RABGEF1: variants seen among roughly 807,000 people sequenced by gnomAD.
RABGEF1 encodes rab5 GDP/GTP exchange factor.
RABGEF1 carries 26 observed loss-of-function variants against 57.3 expected under a neutral mutation model. The ratio of observed to expected loss-of-function variants is 0.45; its 90% CI spans 0.33 to 0.63. The LOEUF is 0.63. Among genes scored for constraint, RABGEF1 ranks in the 20% least tolerant of loss-of-function variants. The probability of loss-of-function intolerance (pLI) is 0.02; values close to 1 mark genes in which losing one functional copy is unlikely to be tolerated. For synonymous variants in RABGEF1, 185 were observed against 210.7 expected (o/e 0.88, Z 1.06); for missense variants, 464 against 607.6 (o/e 0.76, Z 2.48).
At chr7:66,747,014 G>A (rs1338276204) in intron 1 of RABGEF1, among the ~76,000 whole-genome samples, 1 of 151,764 alleles carries the variant, frequency 6.6e-6, no homozygotes, top group Non-Finnish European at 1.5e-5. Context: ...GGCTGGTCTC[G>A]AATTTCTGAC....
At chr7:66,800,683 A>G (rs1787094370) in intron 7 of RABGEF1, among the ~76,000 whole-genome samples, 1 of 152,222 alleles carries the variant, frequency 6.6e-6, no homozygotes, top group South Asian at 2.1e-4. Flanking sequence ...GACTCTTACT[A>G]GAAAGTTCAA....
At chr7:66,784,649 G>T (rs1810724900) in intron 4 of RABGEF1, among the ~76,000 whole-genome samples, 1 of 152,216 alleles carries the variant, frequency 6.6e-6, no homozygotes, top group African/African-American at 2.4e-5. Context: ...CTATATTCTA[G>T]CTGGGGTCAG....
chr7:66,758,866 C>T (rs1344227774), intron 1 of RABGEF1, among the ~76,000 whole-genome samples: 1 of 152,188 alleles, frequency 6.6e-6, no homozygotes, highest in Non-Finnish European at 1.5e-5. Context: ...TATTAAAAAA[C>T]GTTCATGTGT....
At chr7:66,683,000 TGTGTC>T (rs1456790382) in intron 1 of RABGEF1, among the ~76,000 whole-genome samples, 19 of 152,196 alleles carry the variant, frequency 1.2e-4, no homozygotes, top group African/African-American at 4.6e-4. Flanking sequence ...GGTTGGGAAA[TGTGTC>T]GTGGGCGTCC....
At position 66,768,967 on chromosome 7, in the gene RABGEF1, A is replaced by T. The variant is rs1806412914; in HGVS notation, c.-17-2916A>T. 5 of 152,262 alleles carry T rather than the reference A, an allele frequency of 3.3e-5. No homozygotes were observed. The South Asian group carries it at 1.0e-3, about 32-fold the overall frequency. The allele number at this position is 152,262 out of a possible 1,614,324, so 9.4% of individuals were successfully genotyped here. Reference sequence around the variant, plus strand: ...TGGCTCCTGCACTCTCATTTCAGCCATAGCTGCAGACAAAGCACACGATTG... The same window carrying T: ...TGGCTCCTGCACTCTCATTTCAGCCTTAGCTGCAGACAAAGCACACGATTG... On this transcript the variant is annotated intron_variant, in intron 1 of 8. Transcript: ENST00000284957.
chr7:66,793,282 CAG>C (rs982378886), intron 4 of RABGEF1, among the ~76,000 whole-genome samples: 3 of 152,174 alleles, frequency 2.0e-5, no homozygotes, highest in African/African-American at 4.8e-5. Context: ...AGTCCAAACA[CAG>C]AATTCATTTG....
At chr7:66,755,028 C>T (rs572390187) in intron 1 of RABGEF1, among the ~76,000 whole-genome samples, 5 of 152,158 alleles carry the variant, frequency 3.3e-5, no homozygotes, top group African/African-American at 2.4e-5. Flanking sequence ...GGCACGGTGG[C>T]TCACACCTGT....
intron 1 of RABGEF1, among the ~76,000 whole-genome samples, chr7:66,766,548 G>T (rs1188091652): frequency 6.6e-6 from 1 of 151,870 alleles, no homozygotes; most frequent in East Asian, 1.9e-4. Context: ...TCTAAATCCT[G>T]ACCTTGGAGG....
chr7:66,775,404 G>A lies in RABGEF1; in HGVS notation c.346+11G>A, dbSNP rs1209346596. ...TCGGATCAAAGAAGGGTAATGTTCTGATACTCTTTTTTTTCTTCTCTGCCT... is the reference window on the plus strand; with the variant it reads ...TCGGATCAAAGAAGGGTAATGTTCTAATACTCTTTTTTTTCTTCTCTGCCT... On this transcript the variant is annotated intron_variant, in intron 3 of 8. Coordinates refer to ENST00000284957, the MANE Select transcript of RABGEF1 (RefSeq NM_014504.3). 2 of 1,611,400 alleles carry A rather than the reference G, an allele frequency of 1.2e-6. No individual in the cohort carries two copies. The highest frequency in any genetic ancestry group is 1.7e-6 in the Non-Finnish European group (2 of 1,178,362).
chr7:66,745,818 G>C (rs1468529134), intron 1 of RABGEF1, among the ~76,000 whole-genome samples: 2 of 151,704 alleles, frequency 1.3e-5, no homozygotes, highest in African/African-American at 4.8e-5. Context: ...GTTTCAGGCT[G>C]GTGCAGTGGC....
chr7:66,666,874 C>T, the RABGEF1 span, among the ~76,000 whole-genome samples: 2 of 152,184 alleles, frequency 1.3e-5, no homozygotes, highest in Non-Finnish European at 2.9e-5. Flanking sequence ...AGGGAGCTGG[C>T]ACTGGGGTTG....
intron 4 of RABGEF1, among the ~76,000 whole-genome samples, chr7:66,785,414 A>G (rs1309665127): frequency 6.6e-6 from 1 of 152,186 alleles, no homozygotes; most frequent in Non-Finnish European, 1.5e-5. Flanking sequence ...TTTTAAACTG[A>G]ATGTCCCTAG....
At chr7:66,740,328 T>C (rs555762831), upstream of RABGEF1, 20 of 152,082 alleles carry the variant, frequency 1.3e-4, no homozygotes, top group East Asian at 3.5e-3. Flanking sequence ...TGAAACAGAG[T>C]TTCTGAAGCG....
intron 4 of RABGEF1, among the ~76,000 whole-genome samples, chr7:66,785,596 C>T (rs1361879484): frequency 2.6e-5 from 4 of 152,144 alleles, no homozygotes; most frequent in Admixed American, 6.5e-5. Flanking sequence ...CCTTTGTGGC[C>T]GGGTGCGGTG....
intron 1 of RABGEF1, among the ~76,000 whole-genome samples, chr7:66,741,168 A>G (rs961328428): frequency 3.3e-5 from 5 of 152,094 alleles, no homozygotes; most frequent in Non-Finnish European, 5.9e-5. Context: ...CTGGCTCCGA[A>G]GCAGCGTCTG....
At chr7:66,676,571 T>C in the RABGEF1 span, among the ~76,000 whole-genome samples, 3 of 152,178 alleles carry the variant, frequency 2.0e-5, no homozygotes, top group Non-Finnish European at 2.9e-5. Context: ...AACTGTATTC[T>C]CTCTCCCCCA....
Position 66,808,940 on chromosome 7 carries a change from C to A in RABGEF1, c.1132C>A (p.Gln378Lys). ...AGACGCCCAGTCTTTGAATCTAAGT[C>A]AGGAGGATTTTGATCGCTACATGTC... Reference protein sequence around the residue: ...KLDAQSLNLSQEDFDRYMSGQ... With the variant: ...KLDAQSLNLSKEDFDRYMSGQ... The change falls in exon 9 of 9, where the codon CAG becomes AAG. Residue 378 changes from glutamine to lysine, a missense_variant. This residue lies in a region of RABGEF1 where 151 missense variants were observed against 152.2 expected (regional missense o/e 0.99). Coordinates refer to ENST00000284957, the MANE Select transcript of RABGEF1 (RefSeq NM_014504.3). 2 of 1,612,706 alleles carry A rather than the reference C, an allele frequency of 1.2e-6. No individual in the cohort carries two copies. The highest frequency in any genetic ancestry group is 2.2e-5 in the South Asian group (2 of 90,996).
At chr7:66,664,513 C>T in the RABGEF1 span, among the ~76,000 whole-genome samples, 14 of 151,682 alleles carry the variant, frequency 9.2e-5, no homozygotes, top group Non-Finnish European at 1.5e-4. Context: ...GGATTAGCCT[C>T]AAACTCCTTG....
intron 3 of RABGEF1, among the ~76,000 whole-genome samples, chr7:66,780,242 A>G (rs1809570655): frequency 6.6e-6 from 1 of 151,730 alleles, no homozygotes; most frequent in South Asian, 2.1e-4. Flanking sequence ...GTACTACCTC[A>G]TAGTCAGTTG....
Sources: gnomAD v4.1 joint callset for allele counts (sites outside exome capture counted in the v4.1 genomes callset) on GRCh38, gnomAD v4.1.1 for gene constraint, gnomAD v4.1.1 regional missense constraint, MANE v1.5 for transcripts, NCBI Gene and HGNC (gene_info 2026-07-23, HGNC 2026-07-21) for gene names.